The following ADGRE5 variants were observed in gnomAD, a reference collection of about 807,000 sequenced individuals.
ADGRE5 encodes the protein adhesion G protein-coupled receptor E5.
In ADGRE5, 72 loss-of-function variants were observed where a neutral mutation model predicts 100.3. The observed-to-expected ratio is 0.72, with a 90% CI of 0.59 to 0.87. The LOEUF (loss-of-function observed/expected upper bound fraction) is 0.87, where lower values mean the gene tolerates loss of function less well. Among genes scored for constraint, ADGRE5 ranks in the 40% least tolerant of loss-of-function variants. The pLI is 0.00. For synonymous variants in ADGRE5, 439 were observed against 447.8 expected, an observed-to-expected ratio of 0.98 and a Z score of 0.25; for missense variants, 959 against 1,094.7, an observed-to-expected ratio of 0.88 and a Z score of 1.75.
In ADGRE5 at chr19:14,408,188, C is replaced by T. The variant is rs1976366410; in HGVS notation, c.*67C>T. The T allele has an allele frequency of 6.5e-7, 1 of 1,545,738 alleles. No homozygotes were observed. On this transcript the variant is annotated 3_prime_UTR_variant, in exon 20 of 20. Coordinates refer to ENST00000242786, the MANE Select transcript of ADGRE5 (RefSeq NM_078481.4). The stretch of plus-strand genomic sequence containing the variant: ...AGCAGCTTTGTACACGAAGACCATC[C>T]ATCCTCCCTTCGTCCACCACTCTAC...
At chr19:14,388,252 C>A (rs139791047) in intron 1 of ADGRE5, among the ~76,000 whole-genome samples, 198 bp from the exon 2 acceptor site, 1 of 151,670 alleles carries the variant, frequency 6.6e-6, no homozygotes, top group Non-Finnish European at 1.5e-5. Context: ...AACAAAAAAA[C>A]CCGCCCCTAT....
chr19:14,384,394 C>G (rs545624839), intron 1 of ADGRE5, among the ~76,000 whole-genome samples: 1 of 152,300 alleles, frequency 6.6e-6, no homozygotes, highest in South Asian at 2.1e-4. Flanking sequence ...CCCTGGAAGC[C>G]CCTCCAGGGT....
intron 13 of ADGRE5, 105 bp downstream of exon 13, chr19:14,404,667 T>C: frequency 1.8e-6 from 2 of 1,139,160 alleles, no homozygotes; most frequent in Non-Finnish European, 1.3e-6. Context: ...CTCAGATATA[T>C]CTGCATGGTT....
At chr19:14,381,873 T>C (rs550098988) in intron 1 of ADGRE5, among the ~76,000 whole-genome samples, 1 of 135,008 alleles carries the variant, frequency 7.4e-6, no homozygotes, top group Non-Finnish European at 1.5e-5. Context: ...AAGTGAGTGC[T>C]GGGACCCTGA....
At position 14,408,013 on chromosome 19, in the gene ADGRE5, A is replaced by G. The variant is rs1976352246; in HGVS notation, c.2478+4A>G. 6.2e-7 allele frequency: 1 copy of G among 1,614,124 alleles called. No individual in the cohort carries two copies. Among genetic ancestry groups the G allele is most frequent in the African/African-American group, 1.3e-5 (1 of 75,050 alleles). ...CACTGGCCACAATCAGACCCGGGTAAGGGGCTGCGCCTGGGGCGGGTGTGG... is the reference window on the plus strand; with the variant it reads ...CACTGGCCACAATCAGACCCGGGTAGGGGGCTGCGCCTGGGGCGGGTGTGG... On this transcript the variant is annotated splice_donor_region_variant and intron_variant, in intron 19 of 19. Transcript: ENST00000242786.
chr19:14,383,043 AT>A (rs869091842), intron 1 of ADGRE5, among the ~76,000 whole-genome samples: 1 of 151,812 alleles, frequency 6.6e-6, no homozygotes, highest in African/African-American at 2.4e-5. Context: ...GCCAAAAAAA[AT>A]TTTTTTTAAT....
chr19:14,406,320 C>A lies in ADGRE5; in HGVS notation c.1822-11C>A. 2 of 1,546,606 alleles carry A rather than the reference C, an allele frequency of 1.3e-6. No individual in the cohort carries two copies. The highest frequency in any genetic ancestry group is 1.2e-5 in the South Asian group (1 of 84,474). On this transcript the variant is annotated splice_polypyrimidine_tract_variant and intron_variant, in intron 14 of 19. Coordinates refer to ENST00000242786, the MANE Select transcript of ADGRE5 (RefSeq NM_078481.4). The surrounding 1 kb of genome is among the most constrained non-coding windows in gnomAD (Gnocchi z 6.0). The stretch of plus-strand genomic sequence containing the variant: ...CTGACGTCGCTCCGCCCCTCCGTCC[C>A]CGCCCCGCAGGTGGGGCTGCGCTGC...
chr19:14,400,250 G>T (rs1211515140), intron 9 of ADGRE5, among the ~76,000 whole-genome samples: 1 of 152,016 alleles, frequency 6.6e-6, no homozygotes, highest in Non-Finnish European at 1.5e-5. Context: ...TCGATCTCCT[G>T]ACCTCGTGAT....
intron 4 of ADGRE5, among the ~76,000 whole-genome samples, chr19:14,392,018 C>T (rs1042768616): frequency 6.7e-6 from 1 of 148,440 alleles, no homozygotes; most frequent in East Asian, 2.1e-4. Context: ...GCAGGAGAAT[C>T]GCTTGAACTC....
intron 18 of ADGRE5, 43 bp from the exon 19 acceptor site, chr19:14,407,865 C>A (rs1367575022): frequency 1.3e-6 from 2 of 1,537,220 alleles, no homozygotes; most frequent in Non-Finnish European, 1.8e-6. Context: ...CGTGCATGGT[C>A]CCAGGGCCTG....
chr19:14,389,808 C>T (rs2146352116), intron 3 of ADGRE5, among the ~76,000 whole-genome samples: 1 of 151,776 alleles, frequency 6.6e-6, no homozygotes, highest in Non-Finnish European at 1.5e-5. Context: ...GTGGCTTACG[C>T]CTGTAATCCC....
intron 13 of ADGRE5, 125 bp downstream of exon 13, chr19:14,404,687 A>G (rs1224778544): frequency 1.0e-5 from 9 of 897,510 alleles, no homozygotes; most frequent in African/African-American, 3.4e-5. Context: ...TGCACAGCCC[A>G]GGTGTCCCCA....
intron 1 of ADGRE5, among the ~76,000 whole-genome samples, chr19:14,388,231 A>G (rs1025575092): frequency 6.6e-6 from 1 of 151,940 alleles, no homozygotes; most frequent in Admixed American, 6.6e-5. Flanking sequence ...CTGTGTCAAA[A>G]AAAAAACAAA....
intron 1 of ADGRE5, among the ~76,000 whole-genome samples, chr19:14,384,175 G>A (rs1975251175): frequency 6.6e-6 from 1 of 152,140 alleles, no homozygotes; most frequent in Non-Finnish European, 1.5e-5. Context: ...AATCCTGACA[G>A]AAGTGGGGAG....
Position 14,381,560 on chromosome 19 carries a change from G to A in ADGRE5, c.22+15G>A. The A allele has an allele frequency of 6.3e-7, 1 of 1,599,858 alleles. No homozygotes were observed. The highest frequency in any genetic ancestry group is 1.4e-5 in the African/African-American group (1 of 73,494). On this transcript the variant is annotated intron_variant, in intron 1 of 19. Coordinates refer to ENST00000242786, the MANE Select transcript of ADGRE5 (RefSeq NM_078481.4). ...CGTCTTTCTCGGTAAGTACTTTGGG[G>A]CCCCGCTGGGAGGGGCGAGGAAGCT...
At position 14,397,117 on chromosome 19, in the gene ADGRE5, C is replaced by T; in HGVS notation, c.519C>T (p.Ser173=). The change falls in exon 6 of 20, where the codon AGC becomes AGT. Residue 173 remains serine, a synonymous_variant. Transcript: ENST00000242786. Reference sequence around the variant, plus strand: ...CCTCCGGACAAAACCCGTGCCACAGCTCCACCCACTGCCTCAACAACGTGG... The same window carrying T: ...CCTCCGGACAAAACCCGTGCCACAGTTCCACCCACTGCCTCAACAACGTGG... The part of the protein sequence containing the change: ...ECTSGQNPCH[S]STHCLNNVGS... 6.2e-7 allele frequency: 1 copy of T among 1,614,154 alleles called. No individual in the cohort carries two copies. Among genetic ancestry groups the T allele is most frequent in the Non-Finnish European group, 8.5e-7 (1 of 1,180,042 alleles).
intron 4 of ADGRE5, among the ~76,000 whole-genome samples, chr19:14,395,145 A>C (rs972500356): frequency 4.6e-5 from 7 of 152,112 alleles, no homozygotes; most frequent in Non-Finnish European, 1.0e-4. Flanking sequence ...TACTAAAAAT[A>C]CAAAAATTAG....
At chr19:14,395,080 C>T (rs1192120655) in intron 4 of ADGRE5, among the ~76,000 whole-genome samples, 1 of 152,132 alleles carries the variant, frequency 6.6e-6, no homozygotes, top group Non-Finnish European at 1.5e-5. Flanking sequence ...GTGGAAGGAT[C>T]ACTTGAGGTC....
chr19:14,387,680 A>G (rs1975407709), intron 1 of ADGRE5, among the ~76,000 whole-genome samples: 1 of 151,832 alleles, frequency 6.6e-6, no homozygotes, highest in Admixed American at 6.6e-5. Flanking sequence ...GTGAGCTGAG[A>G]TCATGCCACT....
Sources: gnomAD v4.1 joint callset for allele counts (sites outside exome capture counted in the v4.1 genomes callset) on GRCh38, gnomAD v4.1.1 for gene constraint, Gnocchi (gnomAD v3.1) non-coding constraint, MANE v1.5 for transcripts, NCBI Gene and HGNC (gene_info 2026-07-23, HGNC 2026-07-21) for gene names.